TOMT: variants seen among roughly 807,000 people sequenced by gnomAD.
The protein encoded by TOMT is transmembrane O-methyltransferase.
Under a neutral mutation model 21.7 loss-of-function variants are expected in TOMT, and 23 were observed. The ratio of observed to expected loss-of-function variants is 1.06; its 90% CI spans 0.76 to 1.50. The LOEUF is 1.50. Among genes scored for constraint, TOMT ranks in the 40% most tolerant of loss-of-function variants. The probability of loss-of-function intolerance (pLI) is 0.00; values close to 1 mark genes in which losing one functional copy is unlikely to be tolerated. For missense variants in TOMT, 331 were observed against 348.7 expected, an observed-to-expected ratio of 0.95 and a Z score of 0.41; for synonymous variants, 132 against 150.8, an observed-to-expected ratio of 0.88 and a Z score of 0.91.
At position 72,108,559 on chromosome 11, in the gene TOMT, GA is replaced by G. The variant is rs909026707; in HGVS notation, c.457-44del. 23 of 1,423,134 alleles carry G rather than the reference GA, an allele frequency of 1.6e-5. No homozygotes were observed. In the African/African-American group the frequency reaches 3.2e-4, roughly 20 times the overall value. 88.2% of individuals were successfully genotyped at this position (1,423,134 alleles called of 1,614,324 possible). On this transcript the variant is annotated intron_variant, in intron 2 of 2. Transcript: ENST00000541899. The stretch of plus-strand genomic sequence containing the variant: ...GATCCTGGTGGGGTCTTGACTGGGA[GA>G]ACAATTCCCCCCACCCTCACCTCCA...
At position 72,108,965 on chromosome 11, in the gene TOMT, C is replaced by T. The variant is rs984422120; in HGVS notation, c.*40C>T. On this transcript the variant is annotated 3_prime_UTR_variant, in exon 3 of 3. Coordinates refer to ENST00000541899, the Ensembl canonical transcript of TOMT. ...GGTACTTACTGATGCCCACCCCCAC[C>T]CCCACCCAAGCAGGGACCTCAAAAT... The T allele has an allele frequency of 7.6e-6, 11 of 1,442,926 alleles. No individual in the cohort carries two copies. The African/African-American group carries it at 1.6e-4, about 21-fold the overall frequency. The allele number at this position is 1,442,926 out of a possible 1,614,324, so 89.4% of individuals were successfully genotyped here. A position where few individuals can be genotyped will look rare whatever the true frequency, so the allele number is the denominator to read the frequency against.
At chr11:72,106,890 G>C (rs1433344850) in intron 1 of TOMT, 5 of 150,884 alleles carry the variant, frequency 3.3e-5, no homozygotes, top group Non-Finnish European at 7.3e-5. Flanking sequence ...GCAGTGAGCT[G>C]TGATTGTGCC....
intron 1 of TOMT, 145 bp from the exon 2 acceptor site, chr11:72,107,778 G>A: frequency 1.2e-6 from 1 of 803,090 alleles, no homozygotes; most frequent in South Asian, 1.7e-5. Context: ...GGACCAGGAG[G>A]GCAGCTGGGG....
intron 1 of TOMT, 32 bp from the exon 2 acceptor site, chr11:72,107,891 A>T: frequency 1.3e-6 from 2 of 1,551,006 alleles, no homozygotes; most frequent in Non-Finnish European, 1.7e-6. Flanking sequence ...TCCATCTCCC[A>T]TGTCTTCTGC....
chr11:72,106,474 G>T, intron 1 of TOMT: 1 of 371,246 alleles, frequency 2.7e-6, no homozygotes, highest in East Asian at 4.2e-5. Flanking sequence ...ACAAATGCTG[G>T]CCTCAAAGGA....
intron 1 of TOMT, 135 bp from the exon 2 acceptor site, chr11:72,107,788 G>A: frequency 2.2e-6 from 2 of 897,574 alleles, no homozygotes; most frequent in Non-Finnish European, 3.4e-6. Context: ...GGCAGCTGGG[G>A]CTATGGTACA....
At chr11:72,106,354 G>T in intron 1 of TOMT, 144 bp downstream of exon 1, 1 of 895,026 alleles carries the variant, frequency 1.1e-6, no homozygotes, top group South Asian at 2.6e-5. Flanking sequence ...CTGGAAATGA[G>T]GAGCTTGGAC....
Position 72,107,942 on chromosome 11 carries a change from G to GGTGGAGGAGAAGGCCCCTGCTTGT in TOMT, c.283_306dup (p.Glu95_Val102dup), listed in dbSNP as rs1945858446. The stretch of plus-strand genomic sequence containing the variant: ...TCATAGGTCAGATCCTGATGCGGCT[G>GGTGGAGGAGAAGGCCCCTGCTTGT]GTGGAGGAGAAGGCCCCTGCTTGTG... On this transcript the variant is annotated inframe_insertion, in exon 2 of 3. Coordinates refer to ENST00000541899, the Ensembl canonical transcript of TOMT. 4 of 1,551,608 alleles carry GGTGGAGGAGAAGGCCCCTGCTTGT rather than the reference G, an allele frequency of 2.6e-6. No homozygotes were observed. The highest frequency in any genetic ancestry group is 3.5e-6 in the Non-Finnish European group (4 of 1,147,010).
At chr11:72,108,797 G>A in exon 3 of TOMT, 1 of 1,550,448 alleles carries the variant, frequency 6.4e-7, no homozygotes, top group Non-Finnish European at 8.7e-7. Flanking sequence ...CTTCCCTGGT[G>A]CACCCCGCTT....
chr11:72,106,471 C>T, intron 1 of TOMT: 1 of 378,408 alleles, frequency 2.6e-6, no homozygotes, highest in Non-Finnish European at 4.8e-6. Context: ...GCCACAAATG[C>T]TGGCCTCAAA....
chr11:72,109,046 C>T, exon 3 of TOMT: 1 of 848,874 alleles, frequency 1.2e-6, no homozygotes. Flanking sequence ...GCTAGGGAGT[C>T]TCTCTTCCCA....
intron 2 of TOMT, 62 bp downstream of exon 2, chr11:72,108,181 C>T: frequency 7.2e-7 from 1 of 1,391,584 alleles, no homozygotes; most frequent in Non-Finnish European, 9.5e-7. Flanking sequence ...CCAGACATCC[C>T]TTGTGAAGGA....
chr11:72,106,204 G>A lies in TOMT; in HGVS notation c.253G>A (p.Val85Ile), dbSNP rs181092713. Residue 85 changes from valine (V) to isoleucine (I), a missense_variant, in exon 1 of 3, where the codon GTC (valine) becomes ATC (isoleucine). By Grantham distance (29) the Val-to-Ile change is conservative. Transcript: ENST00000541899. The stretch of plus-strand genomic sequence containing the variant: ...CGAGTACTTGAGCCACATGGGGCCT[G>A]TCAAAGGTCAGTGTTCCCTAGCCTT... The A allele has an allele frequency of 7.2e-4, 1,077 of 1,491,510 alleles. 6 individuals carry two copies. The African/African-American group carries it at 0.014, about 19-fold the overall frequency. The allele number at this position is 1,491,510 out of a possible 1,614,324, so 92.4% of individuals were successfully genotyped here. A position where few individuals can be genotyped will look rare whatever the true frequency, so the allele number is the denominator to read the frequency against.
At chr11:72,108,499 G>C in intron 2 of TOMT, 106 bp from the exon 3 acceptor site, 2 of 979,020 alleles carry the variant, frequency 2.0e-6, no homozygotes, top group Non-Finnish European at 2.9e-6. Flanking sequence ...AACACTCATG[G>C]GAAGCTAAGC....
chr11:72,107,835 G>A (rs1945842314), intron 1 of TOMT, 88 bp from the exon 2 acceptor site: 5 of 1,452,556 alleles, frequency 3.4e-6, no homozygotes, highest in Admixed American at 2.0e-5. Flanking sequence ...GGGAGCTGCA[G>A]TGAGGCAGGT....
intron 1 of TOMT, 31 bp from the exon 2 acceptor site, chr11:72,107,892 T>C (rs1565331553): frequency 4.5e-6 from 7 of 1,551,068 alleles, no homozygotes; most frequent in African/African-American, 1.4e-5. Flanking sequence ...CCATCTCCCA[T>C]GTCTTCTGCA....
At chr11:72,108,546 G>A (rs1945964554) in intron 2 of TOMT, 59 bp from the exon 3 acceptor site, 1 of 1,405,158 alleles carries the variant, frequency 7.1e-7, no homozygotes, top group Non-Finnish European at 9.3e-7. Context: ...TCCTGGTGGG[G>A]TCTTGACTGG....
At chr11:72,107,743 G>A in intron 1 of TOMT, 180 bp from the exon 2 acceptor site, 3 of 647,164 alleles carry the variant, frequency 4.6e-6, no homozygotes, top group Non-Finnish European at 8.1e-6. Context: ...CAGGGCTGGT[G>A]TGAAGACTAC....
chr11:72,108,941 G>T (rs2135217464), exon 3 of TOMT: 1 of 1,495,930 alleles, frequency 6.7e-7, no homozygotes, highest in Non-Finnish European at 9.0e-7. Context: ...AGGCCCAGGG[G>T]TACTTACTGA....
Sources: allele counts gnomAD v4.1 joint callset, GRCh38; gene constraint gnomAD v4.1.1; transcripts MANE v1.5; gene names NCBI Gene and HGNC (gene_info 2026-07-23, HGNC 2026-07-21).